KHDRBS2: variants seen among roughly 807,000 people sequenced by gnomAD.
The protein encoded by KHDRBS2 is KH RNA binding domain containing, signal transduction associated 2, also known as KH domain-containing, RNA-binding, signal transduction-associated protein 2.
KHDRBS2 carries 26 observed loss-of-function variants against 44.3 expected under a neutral mutation model. That is an observed-to-expected ratio of 0.59 (90% CI 0.43 to 0.81). KHDRBS2 has a LOEUF of 0.81. KHDRBS2 is among the 40% of genes least tolerant of loss of function. KHDRBS2 has a pLI of 0.00. For synonymous variants in KHDRBS2, 194 were observed against 151.1 expected (o/e 1.28, Z -2.08); for missense variants, 476 against 433.1 (o/e 1.10, Z -0.88).
rs1166333660 is a variant in KHDRBS2, at chr6:61,795,144, CAAAAAAAAAAAA to C, written c.811-62392_811-62381del. Reference sequence around the variant, plus strand: ...CTGGCAACAGAGCGAGACTCCGTCTCAAAAAAAAAAAAAAAAAAAAAAAAAAGAAAAACATAT... The same window carrying C: ...CTGGCAACAGAGCGAGACTCCGTCTCAAAAAAAAAAAAAAGAAAAACATAT... On this transcript the variant is annotated intron_variant, in intron 6 of 8. Transcript: ENST00000281156. Among the ~76,000 whole-genome samples the C allele has an allele frequency of 5.4e-4, 32 of 59,666 alleles. No homozygotes were observed. In the East Asian group the frequency reaches 0.018, roughly 33 times the overall value. 39.1% of individuals were successfully genotyped at this position (59,666 alleles called of 152,430 possible).
chr6:61,593,152 T>C, the KHDRBS2 span, among the ~76,000 whole-genome samples: 1 of 152,202 alleles, frequency 6.6e-6, no homozygotes, highest in African/African-American at 2.4e-5. Context: ...GTAATTTCAG[T>C]CAAGTGTTCT....
chr6:61,733,978 A>G (rs558931898), intron 6 of KHDRBS2, among the ~76,000 whole-genome samples: 33 of 152,234 alleles, frequency 2.2e-4, no homozygotes, highest in East Asian at 3.9e-4. Context: ...ATCTCTCTTT[A>G]TCTTGTTCAG....
At chr6:61,902,120 A>G (rs977917349) in intron 4 of KHDRBS2, among the ~76,000 whole-genome samples, 1 of 151,994 alleles carries the variant, frequency 6.6e-6, no homozygotes, top group African/African-American at 2.4e-5. Context: ...TGCCCGGCTA[A>G]TTTTTGTATT....
the KHDRBS2 span, among the ~76,000 whole-genome samples, chr6:61,646,181 C>G: frequency 0.024 from 3,720 of 152,260 alleles, 70 homozygotes; most frequent in Middle Eastern, 0.088. Context: ...GGCTCAGCTA[C>G]AAAACATTAA....
chr6:61,832,882 A>G (rs1353659657), intron 6 of KHDRBS2, among the ~76,000 whole-genome samples: 2 of 152,222 alleles, frequency 1.3e-5, no homozygotes, highest in Non-Finnish European at 2.9e-5. Context: ...CAGCAAAAAA[A>G]TATAATTTAT....
chr6:62,130,995 T>C (rs1193239781), intron 2 of KHDRBS2, among the ~76,000 whole-genome samples: 3 of 152,086 alleles, frequency 2.0e-5, no homozygotes, highest in Non-Finnish European at 4.4e-5. Context: ...TATGATTACA[T>C]AATTATTATA....
At chr6:62,284,756 T>C (rs963916123) in intron 1 of KHDRBS2, among the ~76,000 whole-genome samples, 2 of 152,174 alleles carry the variant, frequency 1.3e-5, no homozygotes, top group Non-Finnish European at 2.9e-5. Flanking sequence ...TAACAATTCA[T>C]AAATTAAAAA....
chr6:61,930,312 T>C (rs1809767571), intron 4 of KHDRBS2, among the ~76,000 whole-genome samples: 1 of 151,450 alleles, frequency 6.6e-6, no homozygotes, highest in South Asian at 2.1e-4. Flanking sequence ...ACAAATGGAG[T>C]AAATTAACAC....
chr6:62,066,517 C>A (rs1793765866), intron 2 of KHDRBS2, among the ~76,000 whole-genome samples: 1 of 151,576 alleles, frequency 6.6e-6, no homozygotes, highest in Non-Finnish European at 1.5e-5. Flanking sequence ...GAAATATTGG[C>A]TTTCTAAGTA....
chr6:62,166,304 G>C, intron 2 of KHDRBS2, among the ~76,000 whole-genome samples: 1 of 151,870 alleles, frequency 6.6e-6, no homozygotes, highest in East Asian at 1.9e-4. Context: ...TCAACACTTG[G>C]TAATATTTTA....
the KHDRBS2 span, among the ~76,000 whole-genome samples, chr6:61,595,222 T>C: frequency 6.6e-6 from 1 of 152,138 alleles, no homozygotes; most frequent in African/African-American, 2.4e-5. Context: ...TTGCTAGGTA[T>C]CTATAAAAAG....
intron 6 of KHDRBS2, among the ~76,000 whole-genome samples, chr6:61,837,933 CTG>C (rs1223017331): frequency 5.3e-5 from 8 of 152,074 alleles, no homozygotes; most frequent in African/African-American, 1.2e-4. Flanking sequence ...AAATATATAA[CTG>C]AGAATTATCT....
At chr6:61,878,748 G>A (rs1315217833) in intron 6 of KHDRBS2, among the ~76,000 whole-genome samples, 3 of 151,998 alleles carry the variant, frequency 2.0e-5, no homozygotes, top group Non-Finnish European at 4.4e-5. Flanking sequence ...TAGAGGCTAT[G>A]AGCGCCACTT....
intron 7 of KHDRBS2, among the ~76,000 whole-genome samples, chr6:61,720,776 A>C (rs1304617720): frequency 6.6e-6 from 1 of 151,300 alleles, no homozygotes; most frequent in Non-Finnish European, 1.5e-5. Flanking sequence ...GAAGCTCTTT[A>C]GTTTAATTAG....
the KHDRBS2 span, among the ~76,000 whole-genome samples, chr6:61,634,234 A>T: frequency 0.059 from 8,998 of 151,706 alleles, 403 homozygotes; most frequent in Non-Finnish European, 0.09. Context: ...ATGTGGCTAG[A>T]ATGACTTGTG....
intron 2 of KHDRBS2, among the ~76,000 whole-genome samples, chr6:62,056,425 C>A (rs962140338): frequency 2.0e-5 from 3 of 151,750 alleles, no homozygotes; most frequent in African/African-American, 7.3e-5. Context: ...ATAATAAACA[C>A]AAAATCCATG....
At chr6:61,632,337 G>T in the KHDRBS2 span, among the ~76,000 whole-genome samples, 28 of 152,066 alleles carry the variant, frequency 1.8e-4, no homozygotes, top group Non-Finnish European at 4.4e-5. Flanking sequence ...TATCAGTGCA[G>T]TAAAGGAGGA....
At chr6:61,569,792 G>A in the KHDRBS2 span, among the ~76,000 whole-genome samples, 1 of 152,138 alleles carries the variant, frequency 6.6e-6, no homozygotes, top group East Asian at 1.9e-4. Context: ...GAGCCTGGTA[G>A]CCTGGCTGGG....
intron 6 of KHDRBS2, among the ~76,000 whole-genome samples, chr6:61,880,293 C>T (rs1337233225): frequency 2.0e-5 from 3 of 151,710 alleles, no homozygotes; most frequent in South Asian, 2.1e-4. Context: ...GAAAAAAATA[C>T]AAAATATAGC....
Sources: gnomAD v4.1 joint callset for allele counts (sites outside exome capture counted in the v4.1 genomes callset) on GRCh38, gnomAD v4.1.1 for gene constraint, MANE v1.5 for transcripts, NCBI Gene and HGNC (gene_info 2026-07-23, HGNC 2026-07-21) for gene names.